SFMBT2: variants seen among roughly 807,000 people sequenced by gnomAD.
The protein encoded by SFMBT2 is Scm like with four mbt domains 2, also known as scm-like with four MBT domains protein 2.
A neutral mutation model predicts 110.1 loss-of-function variants in SFMBT2; 38 were observed. The ratio of observed to expected loss-of-function variants is 0.35; its 90% CI spans 0.27 to 0.45. The LOEUF is 0.45. Ranked by LOEUF, SFMBT2 falls within the 20% of genes least tolerant of loss-of-function variation. SFMBT2 has a pLI of 1.00. For missense variants in SFMBT2, 1,011 were observed against 1,094.9 expected (o/e 0.92, Z 1.08); for synonymous variants, 425 against 425.4 (o/e 1.00, Z 0.01).
intron 2 of SFMBT2, among the ~76,000 whole-genome samples, chr10:7,376,761 C>A (rs534405883): frequency 3.3e-4 from 35 of 105,130 alleles, no homozygotes; most frequent in African/African-American, 1.4e-3. Context: ...AAAAAAAAGC[C>A]TGGTAATGAG....
At chr10:7,377,881 A>T (rs1379734738) in intron 2 of SFMBT2, among the ~76,000 whole-genome samples, 5 of 144,988 alleles carry the variant, frequency 3.4e-5, no homozygotes, top group African/African-American at 1.0e-4. Context: ...CACGGGACAC[A>T]GGGGAGGTGG....
chr10:7,344,648 T>G (rs1487813936), intron 4 of SFMBT2, among the ~76,000 whole-genome samples: 3 of 152,150 alleles, frequency 2.0e-5, no homozygotes, highest in Admixed American at 6.6e-5. Context: ...ATTTGGCTGT[T>G]CTGTCTATAA....
At chr10:7,376,332 G>A (rs1266939360) in intron 2 of SFMBT2, among the ~76,000 whole-genome samples, 1 of 152,006 alleles carries the variant, frequency 6.6e-6, no homozygotes, top group Non-Finnish European at 1.5e-5. Flanking sequence ...CAGTGTTCCT[G>A]GGAGAAAGAG....
intron 15 of SFMBT2, among the ~76,000 whole-genome samples, chr10:7,190,943 G>A (rs1345870166): frequency 6.6e-6 from 1 of 152,166 alleles, no homozygotes; most frequent in African/African-American, 2.4e-5. Flanking sequence ...TCGTGGTAGT[G>A]AATAAGTCTC....
intron 15 of SFMBT2, among the ~76,000 whole-genome samples, chr10:7,189,691 G>C (rs539459359): frequency 5.3e-5 from 8 of 152,178 alleles, no homozygotes; most frequent in Non-Finnish European, 1.2e-4. Context: ...GGAACAAGAC[G>C]GGGGAGCACG....
At chr10:7,237,539 C>T (rs994903403) in intron 9 of SFMBT2, among the ~76,000 whole-genome samples, 1 of 152,074 alleles carries the variant, frequency 6.6e-6, no homozygotes, top group African/African-American at 2.4e-5. Flanking sequence ...AGCATGTAAT[C>T]TTTAGGAGGG....
At chr10:7,342,460 G>C (rs533196534) in intron 4 of SFMBT2, among the ~76,000 whole-genome samples, 34 of 138,112 alleles carry the variant, frequency 2.5e-4, no homozygotes, top group South Asian at 1.9e-3. Context: ...CCAGGCTGGA[G>C]TGCAGTGGTG....
At chr10:7,185,124 T>G (rs1838356395) in intron 16 of SFMBT2, among the ~76,000 whole-genome samples, 1 of 152,226 alleles carries the variant, frequency 6.6e-6, no homozygotes, top group Admixed American at 6.5e-5. Context: ...AGGAGACTAC[T>G]GCTCCTCCAG....
rs374035169 is a variant in SFMBT2, at chr10:7,391,424, C to A, written c.-51-9475G>T. Among the ~76,000 whole-genome samples the A allele has an allele frequency of 5.3e-5, 8 of 150,286 alleles. No individual in the cohort carries two copies. The South Asian group carries it at 8.4e-4, about 16-fold the overall frequency. On this transcript the variant is annotated intron_variant, in intron 1 of 20. Coordinates refer to ENST00000397167, the MANE Select transcript of SFMBT2 (RefSeq NM_001387889.1). ...GAGGTTGTGGTGAGCCAAGATAGCG[C>A]TACTGCACTCCAGCCTGGGCAACAG...
At chr10:7,165,930 G>C (rs1837682913) in intron 20 of SFMBT2, among the ~76,000 whole-genome samples, 1 of 152,228 alleles carries the variant, frequency 6.6e-6, no homozygotes, top group Non-Finnish European at 1.5e-5. Flanking sequence ...CTCTGGCCTG[G>C]GGCCTGTAGG....
chr10:7,194,857 G>A (rs1023730674), intron 15 of SFMBT2, among the ~76,000 whole-genome samples: 1 of 152,164 alleles, frequency 6.6e-6, no homozygotes, highest in African/African-American at 2.4e-5. Context: ...AATTGATCAG[G>A]GATAACCACT....
chr10:7,173,734 A>G (rs1837961784), intron 17 of SFMBT2, among the ~76,000 whole-genome samples: 1 of 152,198 alleles, frequency 6.6e-6, no homozygotes, highest in Non-Finnish European at 1.5e-5. Flanking sequence ...CCGTCCCACT[A>G]TGTGATGCCC....
At chr10:7,339,423 G>C (rs1392245876) in intron 4 of SFMBT2, among the ~76,000 whole-genome samples, 2 of 152,126 alleles carry the variant, frequency 1.3e-5, no homozygotes, top group African/African-American at 4.8e-5. Context: ...CTTAACATCA[G>C]AAAAATGCTA....
At chr10:7,245,370 G>A (rs758160134) in intron 8 of SFMBT2, among the ~76,000 whole-genome samples, 5 of 152,060 alleles carry the variant, frequency 3.3e-5, no homozygotes, top group Non-Finnish European at 5.9e-5. Context: ...ACACACATAC[G>A]TATATAAAGA....
At chr10:7,350,849 G>A (rs1239876702) in intron 4 of SFMBT2, among the ~76,000 whole-genome samples, 1 of 152,186 alleles carries the variant, frequency 6.6e-6, no homozygotes, top group Non-Finnish European at 1.5e-5. Flanking sequence ...ACTTTTTGGA[G>A]GATTGAGTGC....
At chr10:7,366,239 A>C (rs1000417230) in intron 4 of SFMBT2, among the ~76,000 whole-genome samples, 1 of 152,150 alleles carries the variant, frequency 6.6e-6, no homozygotes, top group African/African-American at 2.4e-5. Flanking sequence ...CTTTCTTTGG[A>C]GACAATAAAG....
chr10:7,194,325 C>A (rs924321300), intron 15 of SFMBT2, among the ~76,000 whole-genome samples: 11 of 152,188 alleles, frequency 7.2e-5, no homozygotes, highest in African/African-American at 2.7e-4. Context: ...TAGAGCCATG[C>A]ATTAAAGACC....
chr10:7,346,311 G>A (rs1844107679), intron 4 of SFMBT2, among the ~76,000 whole-genome samples: 1 of 152,124 alleles, frequency 6.6e-6, no homozygotes, highest in Non-Finnish European at 1.5e-5. Context: ...AACATTTTAT[G>A]ATGCTGTGTC....
chr10:7,306,108 G>A (rs1464125938), intron 4 of SFMBT2, among the ~76,000 whole-genome samples: 1 of 152,234 alleles, frequency 6.6e-6, no homozygotes, highest in Non-Finnish European at 1.5e-5. Flanking sequence ...ATGTTGCAAA[G>A]ATTCAATTTA....
Sources: allele counts gnomAD v4.1 joint callset (sites outside exome capture counted in the v4.1 genomes callset), GRCh38; gene constraint gnomAD v4.1.1; transcripts MANE v1.5; gene names NCBI Gene and HGNC (gene_info 2026-07-23, HGNC 2026-07-21).